The following LPP variants were observed in gnomAD, a reference collection of about 807,000 sequenced individuals.
LPP encodes LIM domain containing preferred translocation partner in lipoma, also known as lipoma-preferred partner.
In LPP, 38 loss-of-function variants were observed where a neutral mutation model predicts 60.4. The observed-to-expected ratio is 0.63, with a 90% CI of 0.49 to 0.83. The LOEUF (loss-of-function observed/expected upper bound fraction) is 0.83, where lower values mean the gene tolerates loss of function less well. Ranked by LOEUF, LPP falls within the 40% of genes least tolerant of loss-of-function variation. The probability of loss-of-function intolerance (pLI) is 0.00; values close to 1 mark genes in which losing one functional copy is unlikely to be tolerated. For synonymous variants in LPP, 328 were observed against 290.8 expected (o/e 1.13, Z -1.30); for missense variants, 902 against 783.6 (o/e 1.15, Z -1.80).
chr3:188,584,417 GT>G (rs1157185059), intron 6 of LPP: 2 of 152,082 alleles, frequency 1.3e-5, no homozygotes, highest in Non-Finnish European at 1.5e-5. Flanking sequence ...TTAATCTGCT[GT>G]TAAAACTGAC....
At position 188,769,843 on chromosome 3, in the gene LPP, C is replaced by T. The variant is rs533574264; in HGVS notation, c.1410+9561C>T. Among the ~76,000 whole-genome samples, 17 of 152,240 alleles carry T rather than the reference C, an allele frequency of 1.1e-4. No individual in the cohort carries two copies. In the South Asian group the frequency reaches 2.3e-3, roughly 20 times the overall value. On this transcript the variant is annotated intron_variant, in intron 9 of 11. Transcript: ENST00000617246. ...GTTGGAGAGTGTAGAAATAGGACAG[C>T]GTTTGCTTTCACCCTAACCAGAATG...
At chr3:188,579,212 C>T (rs1835466246) in intron 6 of LPP, among the ~76,000 whole-genome samples, 1 of 152,152 alleles carries the variant, frequency 6.6e-6, no homozygotes, top group Non-Finnish European at 1.5e-5. Context: ...AAAAGCATCC[C>T]AGGGGATTTT....
At chr3:188,288,334 A>T (rs1009330322) in intron 2 of LPP, among the ~76,000 whole-genome samples, 1 of 152,206 alleles carries the variant, frequency 6.6e-6, no homozygotes, top group Non-Finnish European at 1.5e-5. Context: ...TTATGCTTGT[A>T]CACACATTTC....
At chr3:188,841,150 G>A (rs1050503427) in intron 9 of LPP, among the ~76,000 whole-genome samples, 5 of 152,112 alleles carry the variant, frequency 3.3e-5, no homozygotes, top group Admixed American at 1.3e-4. Context: ...GAGTCCTTGT[G>A]AAGTCTTTTC....
intron 6 of LPP, among the ~76,000 whole-genome samples, chr3:188,563,474 G>GTGTGTGTGTGTGTGTGTT: frequency 1.3e-5 from 2 of 149,142 alleles, no homozygotes; most frequent in South Asian, 2.1e-4. Context: ...GTGTGTGTGT[G>GTGTGTGTGTGTGTGTGTT]TGTGTGTGTG....
intron 1 of LPP, among the ~76,000 whole-genome samples, chr3:188,187,938 C>T (rs983274793): frequency 2.0e-5 from 3 of 151,926 alleles, no homozygotes; most frequent in Non-Finnish European, 1.5e-5. Context: ...CATAGACATT[C>T]TAGTTTATTT....
At chr3:188,708,926 G>C (rs1866042035) in intron 8 of LPP, 2 of 153,252 alleles carry the variant, frequency 1.3e-5, no homozygotes, top group African/African-American at 4.8e-5. Flanking sequence ...GACATTTTTT[G>C]ACAACTTATT....
intron 2 of LPP, among the ~76,000 whole-genome samples, chr3:188,287,317 G>A (rs1022371056): frequency 6.6e-6 from 1 of 152,346 alleles, no homozygotes; most frequent in East Asian, 1.9e-4. Flanking sequence ...TGTTAATGCA[G>A]CCCATGGAGG....
intron 7 of LPP, among the ~76,000 whole-genome samples, chr3:188,696,171 T>C (rs1021900884): frequency 1.3e-5 from 2 of 152,162 alleles, no homozygotes; most frequent in African/African-American, 4.8e-5. Flanking sequence ...TCAGTTCCTC[T>C]GAATTCTGTC....
intron 6 of LPP, among the ~76,000 whole-genome samples, chr3:188,600,772 C>G (rs1381837211): frequency 6.6e-6 from 1 of 152,060 alleles, no homozygotes; most frequent in East Asian, 1.9e-4. Flanking sequence ...TTTGACTCTT[C>G]TAGGGGCCTC....
At chr3:188,781,103 G>A (rs563908842) in intron 9 of LPP, among the ~76,000 whole-genome samples, 1 of 152,330 alleles carries the variant, frequency 6.6e-6, no homozygotes, top group Non-Finnish European at 1.5e-5. Flanking sequence ...AATAAAGAGG[G>A]TTTCCAGTTT....
chr3:188,249,901 A>ATATATATT (rs1491089587), intron 2 of LPP, among the ~76,000 whole-genome samples: 2 of 87,808 alleles, frequency 2.3e-5, no homozygotes, highest in East Asian at 5.4e-4. Context: ...ATATATATAT[A>ATATATATT]TTTTTTTTTT....
At chr3:188,635,350 T>G (rs186384817) in intron 7 of LPP, among the ~76,000 whole-genome samples, 9 of 152,308 alleles carry the variant, frequency 5.9e-5, no homozygotes, top group Admixed American at 1.3e-4. Flanking sequence ...TGGATATGTT[T>G]CTAAGTTCCT....
At chr3:188,760,439 T>TGTGCAC (rs55988915) in intron 9 of LPP, among the ~76,000 whole-genome samples, 157 bp downstream of exon 9, 14 of 149,922 alleles carry the variant, frequency 9.3e-5, no homozygotes, top group African/African-American at 3.3e-4. Flanking sequence ...TGTGTGTGCG[T>TGTGCAC]GCGCGCATGT....
chr3:188,427,620 G>C (rs1397860999), intron 4 of LPP, among the ~76,000 whole-genome samples: 1 of 152,192 alleles, frequency 6.6e-6, no homozygotes, highest in Non-Finnish European at 1.5e-5. Context: ...CAGAGAGGAG[G>C]AATCTATAGC....
At chr3:188,238,792 C>G (rs1722798296) in intron 2 of LPP, among the ~76,000 whole-genome samples, 1 of 151,950 alleles carries the variant, frequency 6.6e-6, no homozygotes, top group Non-Finnish European at 1.5e-5. Flanking sequence ...TGATAGTTAC[C>G]AAAAGGTGAC....
chr3:188,779,910 AC>A (rs1403285741), intron 9 of LPP, among the ~76,000 whole-genome samples: 1 of 151,898 alleles, frequency 6.6e-6, no homozygotes, highest in Non-Finnish European at 1.5e-5. Context: ...TCCATTTCCA[AC>A]CTAAATTTGA....
chr3:188,172,091 AT>A (rs1323083428), intron 1 of LPP, among the ~76,000 whole-genome samples: 11 of 152,132 alleles, frequency 7.2e-5, no homozygotes, highest in Admixed American at 6.5e-5. Flanking sequence ...TCCAGTAGAG[AT>A]TTTCAGAAGC....
At chr3:188,258,385 T>C (rs1425927321) in intron 2 of LPP, among the ~76,000 whole-genome samples, 1 of 152,208 alleles carries the variant, frequency 6.6e-6, no homozygotes, top group African/African-American at 2.4e-5. Context: ...TGCAGTGGCA[T>C]GATTATGGTT....
Sources: allele counts gnomAD v4.1 joint callset (sites outside exome capture counted in the v4.1 genomes callset), GRCh38; gene constraint gnomAD v4.1.1; transcripts MANE v1.5; gene names NCBI Gene and HGNC (gene_info 2026-07-23, HGNC 2026-07-21).